Variants in PKP1 observed in about 807,000 individuals in gnomAD.
The protein encoded by PKP1 is plakophilin 1.
A neutral mutation model predicts 76.4 loss-of-function variants in PKP1; 27 were observed. The observed-to-expected ratio is 0.35, with a 90% confidence interval of 0.26 to 0.49. PKP1 has a LOEUF of 0.49. Among genes scored for constraint, PKP1 ranks in the 20% least tolerant of loss-of-function variants. The pLI, the probability that PKP1 is intolerant of heterozygous loss-of-function variation, is 0.99. For synonymous variants in PKP1, 404 were observed against 384.2 expected (o/e 1.05, Z -0.60); for missense variants, 964 against 955.2 (o/e 1.01, Z -0.12).
At chr1:201,322,549 C>G (rs566347907) in intron 8 of PKP1, among the ~76,000 whole-genome samples, 1 of 152,308 alleles carries the variant, frequency 6.6e-6, no homozygotes, top group African/African-American at 2.4e-5. Context: ...GAAGCAGAAG[C>G]CTACCAGGGA....
intron 7 of PKP1, 65 bp downstream of exon 7, chr1:201,320,446 T>A: frequency 3.8e-6 from 4 of 1,045,924 alleles, no homozygotes; most frequent in Non-Finnish European, 6.0e-6. Flanking sequence ...CTGGGTGCCT[T>A]TGAGGCCTGG....
chr1:201,284,167 A>T lies in PKP1; in HGVS notation c.202+263A>T, dbSNP rs568165032. ...AAGGATGGGTGATTCACCGGGACAC[A>T]GCCAGGAGCATGTCCCAGCGTGCCA... is the stretch of plus-strand genomic sequence containing the variant. On this transcript the variant is annotated intron_variant, in intron 1 of 13. Transcript: ENST00000367324. Among the ~76,000 whole-genome samples, 3 of 152,288 alleles carry T rather than the reference A, an allele frequency of 2.0e-5. No homozygotes were observed. The South Asian group carries it at 6.2e-4, about 32-fold the overall frequency.
intron 8 of PKP1, among the ~76,000 whole-genome samples, chr1:201,322,457 T>C (rs1656976399): frequency 6.6e-6 from 1 of 152,204 alleles, no homozygotes; most frequent in Admixed American, 6.5e-5. Flanking sequence ...TCCCTTGCCC[T>C]TGAGGATCTG....
chr1:201,323,567 TG>T (rs921274492), intron 9 of PKP1, among the ~76,000 whole-genome samples: 3 of 152,100 alleles, frequency 2.0e-5, no homozygotes, highest in Non-Finnish European at 2.9e-5. Flanking sequence ...AAAGAGGGTT[TG>T]GGGTCCAAGC....
rs2102402089 is a variant in PKP1 at position 201,283,640 on chromosome 1, G to A, written c.-63G>A. ...CACGCTCCTGCCCGCCCGCTGCACC[G>A]CACCTCGCCTCGCCTCTCTGCTCTC... On this transcript the variant is annotated 5_prime_UTR_variant, in exon 1 of 14. Coordinates refer to ENST00000367324, the MANE Select transcript of PKP1 (RefSeq NM_001005337.3). 5 of 1,419,412 alleles carry A rather than the reference G, an allele frequency of 3.5e-6. No individual in the cohort carries two copies. The highest frequency in any genetic ancestry group is 1.9e-4 in the Middle Eastern group (1 of 5,292). 87.9% of individuals were successfully genotyped at this position (1,419,412 alleles called of 1,614,324 possible).
intron 1 of PKP1, 68 bp downstream of exon 1, chr1:201,283,972 C>G: frequency 7.1e-7 from 1 of 1,406,686 alleles, no homozygotes; most frequent in Non-Finnish European, 1.0e-6. Flanking sequence ...TGGCGGGGAC[C>G]AAGAGACGCA....
chr1:201,316,433 T>G, intron 3 of PKP1, 120 bp from the exon 4 acceptor site: 1 of 1,084,914 alleles, frequency 9.2e-7, no homozygotes. Flanking sequence ...GCTGCCTTGT[T>G]CTGGCTCTCC....
At chr1:201,327,279 A>T (rs1195031978) in intron 12 of PKP1, among the ~76,000 whole-genome samples, 1 of 152,202 alleles carries the variant, frequency 6.6e-6, no homozygotes, top group Non-Finnish European at 1.5e-5. Context: ...GGGATGGAGG[A>T]CAGGGAAGCC....
chr1:201,299,131 T>C (rs1034350174), intron 2 of PKP1, among the ~76,000 whole-genome samples: 8 of 152,146 alleles, frequency 5.3e-5, no homozygotes, highest in Non-Finnish European at 1.0e-4. Context: ...AGACTGTCCT[T>C]ACCAATCCGC....
chr1:201,324,262 G>T (rs1436231180), intron 9 of PKP1, among the ~76,000 whole-genome samples, 166 bp from the exon 10 acceptor site: 1 of 152,152 alleles, frequency 6.6e-6, no homozygotes, highest in South Asian at 2.1e-4. Flanking sequence ...AAGGGGAGGT[G>T]CATGTTAGCC....
In PKP1 at chr1:201,283,875, A is replaced by G; in HGVS notation, c.173A>G (p.Gln58Arg). The G allele has an allele frequency of 1.2e-6, 2 of 1,614,114 alleles. No homozygotes were observed. The highest frequency in any genetic ancestry group is 1.1e-5 in the South Asian group (1 of 91,086). Residue 58 changes from glutamine to arginine, a missense_variant, in exon 1 of 14, where the codon CAG becomes CGG. Transcript: ENST00000367324. ...AAGCGGCAGAAGTCCAAGTCTTCCC[A>G]GTCGTCCACCCTGAGCCACTCCAAT... ...TVKRQKSKSS[Q>R]SSTLSHSNRG...
At chr1:201,321,276 C>G (rs1157302842) in intron 7 of PKP1, among the ~76,000 whole-genome samples, 1 of 152,212 alleles carries the variant, frequency 6.6e-6, no homozygotes, top group Non-Finnish European at 1.5e-5. Flanking sequence ...ACCTGTGTAA[C>G]CCCAAGCCCT....
Position 201,283,600 on chromosome 1 carries a change from T to C in PKP1, c.-103T>C, listed in dbSNP as rs924610789. The C allele has an allele frequency of 3.8e-5, 39 of 1,025,628 alleles. No homozygotes were observed. The highest frequency in any genetic ancestry group is 5.0e-5 in the Non-Finnish European group (34 of 675,060). The allele number at this position is 1,025,628 out of a possible 1,614,324, so 63.5% of individuals were successfully genotyped here. ...GCACTCTATGGCCGTAGGGAGCCGC[T>C]GAGAGCGAGAAGAGCACGCTCCTGC... is the stretch of plus-strand genomic sequence containing the variant. On this transcript the variant is annotated 5_prime_UTR_variant, in exon 1 of 14. It removes the in-frame stop codon of an upstream open reading frame in the 5' UTR. Coordinates refer to ENST00000367324, the MANE Select transcript of PKP1 (RefSeq NM_001005337.3).
chr1:201,313,463 C>G lies in PKP1; in HGVS notation c.604C>G (p.Arg202Gly), dbSNP rs144063217. ...GQKAIKKCPV[R>G]PPSCASKQDP... is the part of the protein sequence containing the mutation. ...GAAGGCCATAAAGAAGTGCCCTGTG[C>G]GCCCGCCCTCTTGTGCCTCCAAGCA... The change falls in exon 3 of 14, where the codon CGC (arginine) becomes GGC (glycine). Residue 202 changes from arginine to glycine, a missense_variant. Physicochemically the swap from Arg to Gly is moderately radical, Grantham distance 125. Transcript: ENST00000367324. The G allele has an allele frequency of 6.2e-7, 1 of 1,611,386 alleles. No individual in the cohort carries two copies. Among genetic ancestry groups the G allele is most frequent in the Non-Finnish European group, 8.5e-7 (1 of 1,178,996 alleles).
At chr1:201,309,080 C>G (rs531278799) in intron 2 of PKP1, among the ~76,000 whole-genome samples, 1 of 152,192 alleles carries the variant, frequency 6.6e-6, no homozygotes, top group East Asian at 1.9e-4. Flanking sequence ...GGGGGCCACT[C>G]CACACTGAAT....
At chr1:201,295,507 T>G (rs1656046486) in intron 2 of PKP1, among the ~76,000 whole-genome samples, 1 of 152,172 alleles carries the variant, frequency 6.6e-6, no homozygotes, top group Non-Finnish European at 1.5e-5. Context: ...AGAAAATGGC[T>G]TAGGAATGCA....
intron 3 of PKP1, among the ~76,000 whole-genome samples, chr1:201,314,300 A>G (rs1219412247): frequency 6.6e-6 from 1 of 152,160 alleles, no homozygotes; most frequent in Non-Finnish European, 1.5e-5. Context: ...GTCTCTACAG[A>G]AAAATACAAA....
At position 201,325,677 on chromosome 1, in the gene PKP1, G is replaced by A. The variant is rs574405960; in HGVS notation, c.2022-77G>A. The A allele has an allele frequency of 3.1e-4, 336 of 1,096,910 alleles. 1 individual carries two copies. The highest frequency in any genetic ancestry group is 4.4e-4 in the Non-Finnish European group (314 of 713,870). 67.9% of individuals were successfully genotyped at this position (1,096,910 alleles called of 1,614,324 possible). ...CCCCTGTGTCCAGGCCCTGGCAGTG[G>A]GGGTGGGAGGGAAGAGGGTGCTCCT... On this transcript the variant is annotated intron_variant, in intron 11 of 13. Coordinates refer to ENST00000367324, the MANE Select transcript of PKP1 (RefSeq NM_001005337.3).
intron 2 of PKP1, among the ~76,000 whole-genome samples, chr1:201,302,172 T>C (rs142688004): frequency 6.6e-6 from 1 of 152,382 alleles, no homozygotes; most frequent in African/African-American, 2.4e-5. Flanking sequence ...TTTCATCTCC[T>C]GACTTGATCC....
Sources: allele counts gnomAD v4.1 joint callset (sites outside exome capture counted in the v4.1 genomes callset), GRCh38; gene constraint gnomAD v4.1.1; transcripts MANE v1.5; gene names NCBI Gene and HGNC (gene_info 2026-07-23, HGNC 2026-07-21).